OXR1: variants seen among roughly 807,000 people sequenced by gnomAD.
OXR1 encodes the protein oxidation resistance protein 1.
A neutral mutation model predicts 104.6 loss-of-function variants in OXR1; 41 were observed. The ratio of observed to expected loss-of-function variants is 0.39; its 90% CI spans 0.31 to 0.51. The LOEUF is 0.51. Ranked by LOEUF, OXR1 falls within the 20% of genes least tolerant of loss-of-function variation. The pLI, the probability that OXR1 is intolerant of heterozygous loss-of-function variation, is 0.77. For missense variants in OXR1, 955 were observed against 1,031.9 expected (o/e 0.93, Z 1.02); for synonymous variants, 348 against 348.4 (o/e 1.00, Z 0.01).
intron 3 of OXR1, among the ~76,000 whole-genome samples, chr8:106,630,349 G>A (rs1180510092): frequency 6.6e-6 from 1 of 152,156 alleles, no homozygotes; most frequent in African/African-American, 2.4e-5. Flanking sequence ...CTTACAACAT[G>A]GACTCTAACT....
chr8:106,325,452 T>G (rs1399459909), intron 1 of OXR1, among the ~76,000 whole-genome samples: 1 of 152,294 alleles, frequency 6.6e-6, no homozygotes. Context: ...TATCCCCAAC[T>G]CTATTAATCT....
chr8:106,413,424 T>C (rs1269591179), intron 2 of OXR1, among the ~76,000 whole-genome samples: 6 of 152,148 alleles, frequency 3.9e-5, no homozygotes, highest in Admixed American at 3.9e-4. Flanking sequence ...TCTTTTGAGC[T>C]TCTTCTTAAG....
chr8:106,700,757 A>G (rs930149295), intron 7 of OXR1, among the ~76,000 whole-genome samples: 4 of 152,322 alleles, frequency 2.6e-5, no homozygotes, highest in Middle Eastern at 6.8e-3. Flanking sequence ...AATCTTCCTA[A>G]AAGATAAAAT....
At chr8:106,468,627 G>A (rs1478091560) in intron 2 of OXR1, among the ~76,000 whole-genome samples, 1 of 151,724 alleles carries the variant, frequency 6.6e-6, no homozygotes, top group Non-Finnish European at 1.5e-5. Flanking sequence ...CTTTGGGGAA[G>A]TCATGGTAAG....
intron 2 of OXR1, among the ~76,000 whole-genome samples, chr8:106,491,104 A>G (rs536933479): frequency 6.6e-6 from 1 of 152,274 alleles, no homozygotes; most frequent in Admixed American, 6.5e-5. Flanking sequence ...TCCGCTCAAT[A>G]TGCAGGCATC....
chr8:106,407,414 C>A (rs1221416656), intron 2 of OXR1, among the ~76,000 whole-genome samples: 1 of 152,080 alleles, frequency 6.6e-6, no homozygotes, highest in Non-Finnish European at 1.5e-5. Flanking sequence ...TTGATTAGTG[C>A]CCACTGCAAA....
chr8:106,695,431 T>C (rs1369450124), intron 7 of OXR1, among the ~76,000 whole-genome samples: 2 of 151,400 alleles, frequency 1.3e-5, no homozygotes, highest in East Asian at 1.9e-4. Flanking sequence ...TTTTTTTTTT[T>C]CTCCGAGACA....
intron 3 of OXR1, among the ~76,000 whole-genome samples, chr8:106,575,814 A>C (rs970736892): frequency 1.4e-4 from 21 of 152,062 alleles, no homozygotes; most frequent in African/African-American, 4.1e-4. Context: ...TTAAATTCTT[A>C]TTTCAAAGCA....
At chr8:106,363,025 G>C (rs1405425787) in intron 2 of OXR1, among the ~76,000 whole-genome samples, 1 of 152,122 alleles carries the variant, frequency 6.6e-6, no homozygotes, top group Non-Finnish European at 1.5e-5. Flanking sequence ...CTTTAATTTT[G>C]GTCCCCAAAT....
intron 3 of OXR1, among the ~76,000 whole-genome samples, chr8:106,637,684 T>C (rs543767277): frequency 4.6e-5 from 7 of 152,140 alleles, no homozygotes; most frequent in Non-Finnish European, 1.0e-4. Context: ...TTACAATTTA[T>C]AGAGTTGTAA....
In OXR1 at chr8:106,357,184, C is replaced by A. The variant is rs563666520; in HGVS notation, c.-138-2292C>A. On this transcript the variant is annotated intron_variant, in intron 1 of 16. Transcript: ENST00000517566. ...AGAATGAATTGCATCAGACAATATT[C>A]CATATATATGTGTATATATGTGTGT... Among the ~76,000 whole-genome samples the A allele has an allele frequency of 2.0e-5, 3 of 150,546 alleles. No homozygotes were observed. The South Asian group carries it at 6.3e-4, about 32-fold the overall frequency.
chr8:106,272,613 C>CGA (rs1371769663), intron 1 of OXR1: 2 of 152,178 alleles, frequency 1.3e-5, no homozygotes, highest in Admixed American at 1.3e-4. Context: ...GACACAAGAG[C>CGA]GAGGACAGCA....
Position 106,693,463 on chromosome 8 carries a change from C to G in OXR1, c.675+586C>G, listed in dbSNP as rs1829519274. On this transcript the variant is annotated intron_variant, in intron 7 of 16. Coordinates refer to ENST00000517566, the MANE Select transcript of OXR1 (RefSeq NM_001198533.2). The stretch of plus-strand genomic sequence containing the variant: ...TTTTTTTTTGAGATGAAGTTTCGCT[C>G]TTATCAGCCAGGCTGGAGTGCAATG... Among the ~76,000 whole-genome samples, 5 of 123,256 alleles carry G rather than the reference C, an allele frequency of 4.1e-5. No individual in the cohort carries two copies. In the South Asian group the frequency reaches 1.3e-3, roughly 33 times the overall value. 80.9% of individuals were successfully genotyped at this position (123,256 alleles called of 152,430 possible). A position where few individuals can be genotyped will look rare whatever the true frequency, so the allele number is the denominator to read the frequency against.
At chr8:106,749,405 A>G (rs540830396) in intron 16 of OXR1, among the ~76,000 whole-genome samples, 1 of 152,134 alleles carries the variant, frequency 6.6e-6, no homozygotes, top group African/African-American at 2.4e-5. Flanking sequence ...CTGTAATGCC[A>G]TGTGACTCCT....
At chr8:106,533,361 AC>A (rs1814232289) in intron 3 of OXR1, among the ~76,000 whole-genome samples, 1 of 152,204 alleles carries the variant, frequency 6.6e-6, no homozygotes, top group Non-Finnish European at 1.5e-5. Context: ...ACAAAAGAAG[AC>A]GATTAGGATG....
intron 3 of OXR1, among the ~76,000 whole-genome samples, chr8:106,577,407 G>A (rs1371662967): frequency 5.0e-5 from 1 of 19,896 alleles, no homozygotes; most frequent in African/African-American, 1.6e-4. Context: ...TTTTTTTTTT[G>A]AGACAGAGTC....
chr8:106,694,487 GATAT>G (rs199934743), intron 7 of OXR1, among the ~76,000 whole-genome samples: 37,561 of 123,194 alleles, frequency 0.3, 7,040 homozygotes, highest in African/African-American at 0.55. Flanking sequence ...ATATATATTT[GATAT>G]ATAAATATGT....
In OXR1 at chr8:106,706,665, A is replaced by G. The variant is rs532318896; in HGVS notation, c.1144A>G (p.Thr382Ala). 25 of 1,613,548 alleles carry G rather than the reference A, an allele frequency of 1.5e-5. No individual in the cohort carries two copies. In the South Asian group the frequency reaches 2.6e-4, roughly 17 times the overall value. The part of the protein sequence containing the change: ...TVNQAEVESL[T>A]VKSESTGTPG... ...CAATCAGGCTGAAGTAGAAAGTCTG[A>G]CAGTCAAATCAGAATCTACTGGTAC... The change falls in exon 9 of 17, where the codon ACA becomes GCA. Residue 382 changes from threonine to alanine, a missense_variant. Thr to Ala is a moderately conservative substitution (Grantham distance 58, BLOSUM62 0). This residue lies in a region of OXR1 where 849 missense variants were observed against 852.9 expected (regional missense o/e 1.00). Coordinates refer to ENST00000517566, the MANE Select transcript of OXR1 (RefSeq NM_001198533.2).
chr8:106,360,307 A>G (rs1229147323), intron 2 of OXR1, among the ~76,000 whole-genome samples: 1 of 152,188 alleles, frequency 6.6e-6, no homozygotes, highest in African/African-American at 2.4e-5. Context: ...TTTTTATATA[A>G]CGAGATGAGT....
Sources: gnomAD v4.1 joint callset for allele counts (sites outside exome capture counted in the v4.1 genomes callset) on GRCh38, gnomAD v4.1.1 for gene constraint, gnomAD v4.1.1 regional missense constraint, MANE v1.5 for transcripts, NCBI Gene and HGNC (gene_info 2026-07-23, HGNC 2026-07-21) for gene names.